Variants in PRKAG2 observed in about 807,000 individuals in gnomAD.
The protein encoded by PRKAG2 is 5'-AMP-activated protein kinase subunit gamma-2.
In PRKAG2, 26 loss-of-function variants were observed where a neutral mutation model predicts 69.6. The ratio of observed to expected loss-of-function variants is 0.37; its 90% CI spans 0.27 to 0.52. The LOEUF is 0.52. Ranked by LOEUF, PRKAG2 falls within the 20% of genes least tolerant of loss-of-function variation. The pLI is 0.90. For synonymous variants in PRKAG2, 293 were observed against 285.0 expected, an observed-to-expected ratio of 1.03 and a Z score of -0.28; for missense variants, 557 against 740.0, an observed-to-expected ratio of 0.75 and a Z score of 2.87.
intron 3 of PRKAG2, among the ~76,000 whole-genome samples, chr7:151,728,736 G>C (rs992495930): frequency 4.6e-5 from 7 of 152,160 alleles, no homozygotes; most frequent in Non-Finnish European, 8.8e-5. Flanking sequence ...TGCTCCCAGA[G>C]CCACGCCACT....
rs1209829620 is a variant in PRKAG2 at position 151,567,467 on chromosome 7, C to CT, written c.1233+1248dup. ...TTAATATTATTTAAAAATGATGACT[C>CT]TAAGGATTAAGTGAGCTGCAGGCCT... is the stretch of plus-strand genomic sequence containing the variant. On this transcript the variant is annotated intron_variant, in intron 11 of 15. Coordinates refer to ENST00000287878, the MANE Select transcript of PRKAG2 (RefSeq NM_016203.4). This position sits in a 1 kb window ranked among gnomAD's most constrained non-coding sequence, Gnocchi z 4.2. Among the ~76,000 whole-genome samples the CT allele has an allele frequency of 6.6e-6, 1 of 152,126 alleles. No individual in the cohort carries two copies. Among genetic ancestry groups the CT allele is most frequent in the Non-Finnish European group, 1.5e-5 (1 of 68,028 alleles).
At chr7:151,824,872 G>A (rs762384180) in intron 1 of PRKAG2, among the ~76,000 whole-genome samples, 42 of 152,284 alleles carry the variant, frequency 2.8e-4, no homozygotes, top group Non-Finnish European at 5.1e-4. Flanking sequence ...TTTCTTCTGA[G>A]TCTATTCCCT....
At chr7:151,856,330 C>T (rs558820526) in intron 1 of PRKAG2, among the ~76,000 whole-genome samples, 1 of 152,374 alleles carries the variant, frequency 6.6e-6, no homozygotes, top group African/African-American at 2.4e-5. Context: ...TTCCAAGGCC[C>T]GCGCAGCCGA....
intron 1 of PRKAG2, among the ~76,000 whole-genome samples, chr7:151,844,654 G>A (rs60002611): frequency 0.012 from 1,804 of 152,266 alleles, 40 homozygotes; most frequent in African/African-American, 0.042. Flanking sequence ...TTTCTATCGT[G>A]AGTCATGGTC....
chr7:151,818,077 A>G (rs1334746357), intron 1 of PRKAG2, among the ~76,000 whole-genome samples: 4 of 152,328 alleles, frequency 2.6e-5, no homozygotes, highest in African/African-American at 9.6e-5. Context: ...ATCAGGTACC[A>G]CCTGAGTGTG....
intron 6 of PRKAG2, among the ~76,000 whole-genome samples, chr7:151,577,760 AG>A (rs1021718995): frequency 2.6e-5 from 4 of 152,214 alleles, no homozygotes; most frequent in Non-Finnish European, 5.9e-5. Context: ...CATACCAATG[AG>A]AAAAAAAATC....
rs1388922915 is a variant in PRKAG2, at chr7:151,777,870, G to A, written c.466+3282C>T. Among the ~76,000 whole-genome samples, 1 of 152,200 alleles carries A rather than the reference G, an allele frequency of 6.6e-6. No individual in the cohort carries two copies. Among genetic ancestry groups the A allele is most frequent in the Non-Finnish European group, 1.5e-5 (1 of 68,034 alleles). The stretch of plus-strand genomic sequence containing the variant: ...AAGACCACAGATTAGGATTATGGGA[G>A]GGGCCTGAACCGGGCTAACATGCAG... On this transcript the variant is annotated intron_variant, in intron 3 of 15. Coordinates refer to ENST00000287878, the MANE Select transcript of PRKAG2 (RefSeq NM_016203.4). The surrounding 1 kb of genome is among the most constrained non-coding windows in gnomAD (Gnocchi z 4.3).
At chr7:151,705,237 A>G (rs1236165525) in intron 3 of PRKAG2, among the ~76,000 whole-genome samples, 1 of 152,180 alleles carries the variant, frequency 6.6e-6, no homozygotes, top group Non-Finnish European at 1.5e-5. Context: ...CTGGTCTCAG[A>G]GTTGGCTGAG....
At chr7:151,580,574 A>G (rs1277709919) in intron 6 of PRKAG2, among the ~76,000 whole-genome samples, 1 of 152,214 alleles carries the variant, frequency 6.6e-6, no homozygotes, top group Non-Finnish European at 1.5e-5. Context: ...TAACTTTTGT[A>G]TACATTTTTT....
chr7:151,784,036 G>A (rs1204109763), intron 2 of PRKAG2, among the ~76,000 whole-genome samples: 1 of 152,124 alleles, frequency 6.6e-6, no homozygotes, highest in East Asian at 1.9e-4. Context: ...AGGCACCAGG[G>A]TGGTCCTATC....
chr7:151,663,815 C>T (rs1226918546), intron 4 of PRKAG2, among the ~76,000 whole-genome samples: 4 of 152,204 alleles, frequency 2.6e-5, no homozygotes, highest in Non-Finnish European at 5.9e-5. Flanking sequence ...TCAATCTGCC[C>T]CTTTGCATTG....
rs946321457 is a variant in PRKAG2 at position 151,780,191 on chromosome 7, G to A, written c.466+961C>T. Among the ~76,000 whole-genome samples the A allele has an allele frequency of 2.6e-5, 4 of 151,198 alleles. No individual in the cohort carries two copies. The highest frequency in any genetic ancestry group is 4.5e-5 in the Non-Finnish European group (3 of 67,266). On this transcript the variant is annotated intron_variant, in intron 3 of 15. Coordinates refer to ENST00000287878, the MANE Select transcript of PRKAG2 (RefSeq NM_016203.4). This position sits in a 1 kb window ranked among gnomAD's most constrained non-coding sequence, Gnocchi z 4.2. ...TGGATGAAGTAGTGAGGCTGACAGAGACCTGGCTTCTCGTCCTACAGCCAC... is the reference window on the plus strand; with the variant it reads ...TGGATGAAGTAGTGAGGCTGACAGAAACCTGGCTTCTCGTCCTACAGCCAC...
chr7:151,841,637 G>C (rs1290006625), intron 1 of PRKAG2, among the ~76,000 whole-genome samples: 1 of 144,862 alleles, frequency 6.9e-6, no homozygotes, highest in African/African-American at 2.6e-5. Flanking sequence ...AGTGATAGTA[G>C]TGATGGTAGG....
chr7:151,868,435 T>C (rs1235058900), intron 1 of PRKAG2, among the ~76,000 whole-genome samples: 2 of 152,224 alleles, frequency 1.3e-5, no homozygotes, highest in East Asian at 3.8e-4. Flanking sequence ...GCAGCTGAAC[T>C]CTCAGGTGGC....
Position 151,828,850 on chromosome 7 carries a change from G to A in PRKAG2, c.115-42309C>T, listed in dbSNP as rs964449014. ...CACTTAAGCTCAGGAGTTTGAGGCT[G>A]CAGTGAGCTATGATCACACCAATGT... On this transcript the variant is annotated intron_variant, in intron 1 of 15. Transcript: ENST00000287878. The surrounding 1 kb of genome is among the most constrained non-coding windows in gnomAD (Gnocchi z 4.6). Among the ~76,000 whole-genome samples, 2 of 152,186 alleles carry A rather than the reference G, an allele frequency of 1.3e-5. No homozygotes were observed. The highest frequency in any genetic ancestry group is 2.9e-5 in the Non-Finnish European group (2 of 68,030).
intron 1 of PRKAG2, among the ~76,000 whole-genome samples, chr7:151,868,711 A>T (rs1586751800): frequency 1.3e-5 from 2 of 152,028 alleles, no homozygotes; most frequent in Non-Finnish European, 2.9e-5. Flanking sequence ...CCACATTCTC[A>T]CTCGGCTCCT....
rs768393401 is a variant in PRKAG2, at chr7:151,786,559, C to T, written c.115-18G>A. ...CTCAGGTCCTAGGGTGGACAGAGAGCACGTGGTCAGTGACAGTGGCCCTCG... is the reference window on the plus strand; with the variant it reads ...CTCAGGTCCTAGGGTGGACAGAGAGTACGTGGTCAGTGACAGTGGCCCTCG... On this transcript the variant is annotated intron_variant, in intron 1 of 15. Coordinates refer to ENST00000287878, the MANE Select transcript of PRKAG2 (RefSeq NM_016203.4). The T allele has an allele frequency of 1.1e-5, 18 of 1,607,670 alleles. No homozygotes were observed. The Admixed American group carries it at 3.0e-4, about 27-fold the overall frequency.
intron 1 of PRKAG2, among the ~76,000 whole-genome samples, chr7:151,820,813 A>G (rs914130458): frequency 1.3e-5 from 2 of 152,174 alleles, no homozygotes; most frequent in Non-Finnish European, 2.9e-5. Flanking sequence ...TTCCTCTTCC[A>G]TTTTTTAAAC....
intron 3 of PRKAG2, among the ~76,000 whole-genome samples, chr7:151,705,864 G>A (rs2151585787): frequency 6.6e-6 from 1 of 152,048 alleles, no homozygotes; most frequent in Admixed American, 6.6e-5. Flanking sequence ...CATCTCACCC[G>A]CTGCGTTTTA....
Sources: allele counts gnomAD v4.1 joint callset (sites outside exome capture counted in the v4.1 genomes callset), GRCh38; gene constraint gnomAD v4.1.1; non-coding constraint Gnocchi (gnomAD v3.1); transcripts MANE v1.5; gene names NCBI Gene and HGNC (gene_info 2026-07-23, HGNC 2026-07-21).